Variants in MALRD1 observed in about 807,000 individuals in gnomAD.
MALRD1 encodes the protein MAM and LDL receptor class A domain containing 1, also known as MAM and LDL-receptor class A domain-containing protein 1.
Under a neutral mutation model 242.1 loss-of-function variants are expected in MALRD1, and 247 were observed. The ratio of observed to expected loss-of-function variants is 1.02; its 90% CI spans 0.92 to 1.13. The LOEUF is 1.13. MALRD1 is among the 50% of genes most tolerant of loss of function. The pLI is 0.00. For missense variants in MALRD1, 2,989 were observed against 2,533.1 expected (o/e 1.18, Z -3.86); for synonymous variants, 995 against 866.6 (o/e 1.15, Z -2.60).
intron 36 of MALRD1, among the ~76,000 whole-genome samples, chr10:19,641,712 C>T (rs534248226): frequency 6.6e-6 from 1 of 152,128 alleles, no homozygotes; most frequent in African/African-American, 2.4e-5. Flanking sequence ...ATAATGTGAG[C>T]TTGCCTCTCC....
intron 8 of MALRD1, among the ~76,000 whole-genome samples, chr10:19,133,070 C>T (rs565358776): frequency 2.0e-5 from 3 of 152,210 alleles, no homozygotes; most frequent in South Asian, 4.1e-4. Context: ...TCCTGAGTAG[C>T]TGGGATTACA....
intron 2 of MALRD1, among the ~76,000 whole-genome samples, chr10:19,085,789 A>G (rs1467213779): frequency 3.3e-5 from 5 of 152,010 alleles, no homozygotes; most frequent in African/African-American, 7.2e-5. Context: ...TTTTAAAAAT[A>G]TATATGAATA....
At chr10:19,307,771 C>T (rs940146066) in intron 21 of MALRD1, among the ~76,000 whole-genome samples, 8 of 151,654 alleles carry the variant, frequency 5.3e-5, no homozygotes, top group Non-Finnish European at 1.2e-4. Context: ...TACCTACCAA[C>T]CTACTGCTGA....
intron 18 of MALRD1, among the ~76,000 whole-genome samples, chr10:19,232,801 A>G (rs1207787409): frequency 6.6e-6 from 1 of 152,090 alleles, no homozygotes. Context: ...GCTCAACAGA[A>G]TATGTGTCCC....
chr10:19,397,398 T>G (rs73593900), intron 28 of MALRD1, among the ~76,000 whole-genome samples: 3,228 of 152,272 alleles, frequency 0.021, 106 homozygotes, highest in African/African-American at 0.072. Flanking sequence ...CTTATCAATG[T>G]TATTGCAAAT....
intron 28 of MALRD1, among the ~76,000 whole-genome samples, chr10:19,400,041 C>T (rs1461114194): frequency 6.6e-6 from 1 of 152,166 alleles, no homozygotes; most frequent in Non-Finnish European, 1.5e-5. Flanking sequence ...CCAGCTCCTT[C>T]CCAATTCTTT....
chr10:19,184,966 AT>A, intron 14 of MALRD1, among the ~76,000 whole-genome samples: 1 of 152,340 alleles, frequency 6.6e-6, no homozygotes, highest in East Asian at 1.9e-4. Context: ...TTTGAAGTCC[AT>A]TTTGAAATTT....
Position 19,731,492 on chromosome 10 carries a change from T to TTGTGTG in MALRD1, c.6390+734_6390+739dup, listed in dbSNP as rs199973822. 3.0e-3 allele frequency among the ~76,000 whole-genome samples: 446 copies of TTGTGTG among 146,988 alleles called. 9 individuals are homozygous for TTGTGTG. In the East Asian group the frequency reaches 0.051, roughly 17 times the overall value. On this transcript the variant is annotated intron_variant, in intron 39 of 39. Transcript: ENST00000454679. ...TATCTATCACCTCACATAGTTTACT[T>TTGTGTG]TGTGTGTGTGTGTGTGTGTGTGTGT...
At chr10:19,177,426 G>A (rs1835309128) in intron 14 of MALRD1, among the ~76,000 whole-genome samples, 1 of 152,118 alleles carries the variant, frequency 6.6e-6, no homozygotes, top group Admixed American at 6.5e-5. Flanking sequence ...TGACATTGAA[G>A]AGCACTGTCT....
intron 5 of MALRD1, among the ~76,000 whole-genome samples, chr10:19,108,754 T>G (rs1030363217): frequency 6.6e-6 from 1 of 152,222 alleles, no homozygotes; most frequent in Non-Finnish European, 1.5e-5. Flanking sequence ...ATATTCTCTT[T>G]TATCTCATTG....
intron 2 of MALRD1, 140 bp from the exon 3 acceptor site, chr10:19,087,690 GTTACAAACAA>G (rs1296485006): frequency 1.2e-5 from 5 of 406,870 alleles, no homozygotes; most frequent in African/African-American, 2.1e-5. Flanking sequence ...GATCTTTTAT[GTTACAAACAA>G]TCCAATCACG....
chr10:19,318,905 A>G (rs1028835067), intron 21 of MALRD1, among the ~76,000 whole-genome samples: 10 of 151,984 alleles, frequency 6.6e-5, no homozygotes, highest in African/African-American at 2.4e-4. Flanking sequence ...ATTTTGGGAT[A>G]TTTTATCCAG....
intron 1 of MALRD1, among the ~76,000 whole-genome samples, chr10:19,049,674 C>T (rs1373322658): frequency 1.3e-5 from 2 of 152,218 alleles, no homozygotes; most frequent in Middle Eastern, 6.8e-3. Context: ...GAATGCAAGA[C>T]CTAGATTTAT....
At chr10:19,455,936 C>G (rs192231756) in intron 29 of MALRD1, among the ~76,000 whole-genome samples, 2 of 152,082 alleles carry the variant, frequency 1.3e-5, no homozygotes, top group Admixed American at 6.6e-5. Context: ...CAGTGTGTTC[C>G]CCTCCATGTT....
chr10:19,712,795 G>C (rs1366464496), intron 38 of MALRD1, among the ~76,000 whole-genome samples: 1 of 152,126 alleles, frequency 6.6e-6, no homozygotes, highest in Non-Finnish European at 1.5e-5. Flanking sequence ...ACATTCATAA[G>C]GGGAAAGGAA....
chr10:19,413,336 G>C (rs994791632), intron 28 of MALRD1, among the ~76,000 whole-genome samples: 1 of 151,980 alleles, frequency 6.6e-6, no homozygotes, highest in African/African-American at 2.4e-5. Context: ...ATTTAGGTCT[G>C]AGATATTGGT....
chr10:19,243,431 A>G (rs183469148), intron 18 of MALRD1, among the ~76,000 whole-genome samples: 231 of 152,244 alleles, frequency 1.5e-3, no homozygotes, highest in African/African-American at 4.9e-3. Flanking sequence ...GCTAATGCCT[A>G]ATTTTTACAA....
At chr10:19,193,586 A>G (rs571353164) in intron 14 of MALRD1, among the ~76,000 whole-genome samples, 48 of 152,246 alleles carry the variant, frequency 3.2e-4, no homozygotes, top group Middle Eastern at 3.4e-3. Flanking sequence ...TGGAATTATT[A>G]AATTGTGCTA....
At position 19,595,284 on chromosome 10, in the gene MALRD1, A is replaced by T. The variant is rs898125802; in HGVS notation, c.5771A>T (p.Asp1924Val). The change falls in exon 34 of 40, where the codon GAT becomes GTT. Residue 1924 changes from aspartate to valine, a missense_variant. Asp to Val is a radical substitution (Grantham distance 152, BLOSUM62 -3). Coordinates refer to ENST00000454679, the MANE Select transcript of MALRD1 (RefSeq NM_001142308.3). ...TGTGTCCCTCTCTCAGGGAAATGTG[A>T]TGGACATGAAGACTGCATAGATGGA... Reference protein sequence around the residue: ...LQCVPLSGKCDGHEDCIDGSD... With the variant: ...LQCVPLSGKCVGHEDCIDGSD... 4 of 1,550,620 alleles carry T rather than the reference A, an allele frequency of 2.6e-6. No individual in the cohort carries two copies. In the African/African-American group the frequency reaches 5.5e-5, roughly 21 times the overall value.
Sources: allele counts gnomAD v4.1 joint callset (sites outside exome capture counted in the v4.1 genomes callset), GRCh38; gene constraint gnomAD v4.1.1; transcripts MANE v1.5; gene names NCBI Gene and HGNC (gene_info 2026-07-23, HGNC 2026-07-21).